The following DDX5 variants were observed in gnomAD, a reference collection of about 807,000 sequenced individuals.
The protein encoded by DDX5 is probable ATP-dependent RNA helicase DDX5.
A neutral mutation model predicts 68.6 loss-of-function variants in DDX5; 6 were observed. The ratio of observed to expected loss-of-function variants is 0.09; its 90% confidence interval spans 0.05 to 0.17. The LOEUF (loss-of-function observed/expected upper bound fraction) is 0.17, where lower values mean the gene tolerates loss of function less well. DDX5 is among the 10% of genes least tolerant of loss of function. The pLI is 1.00. For missense variants in DDX5, 499 were observed against 756.1 expected, an observed-to-expected ratio of 0.66 and a Z score of 3.99; for synonymous variants, 350 against 247.0, an observed-to-expected ratio of 1.42 and a Z score of -3.91.
chr17:64,500,462 T>TTTACTCACCC, intron 12 of DDX5, 87 bp downstream of exon 12: 2 of 1,519,090 alleles, frequency 1.3e-6, no homozygotes, highest in Non-Finnish European at 9.0e-7. Context: ...CATTCAAGGT[T>TTTACTCACCC]TTACTCACCC....
At position 64,499,854 on chromosome 17, in the gene DDX5, T is replaced by C. The variant is rs1212859581; in HGVS notation, c.*69A>G. 1.4e-6 allele frequency: 2 copies of C among 1,394,724 alleles called. No individual in the cohort carries two copies. Among genetic ancestry groups the C allele is most frequent in the Non-Finnish European group, 1.9e-6 (2 of 1,045,594 alleles). The allele number at this position is 1,394,724 out of a possible 1,614,324, so 86.4% of individuals were successfully genotyped here. ...AATTCCCATGTTTCTTAAATAACTATCTTGTCAGATAACACACAATATAAA... is the reference window on the plus strand; with the variant it reads ...AATTCCCATGTTTCTTAAATAACTACCTTGTCAGATAACACACAATATAAA... On this transcript the variant is annotated 3_prime_UTR_variant, in exon 13 of 13. Transcript: ENST00000225792.
rs782058967 is a variant in DDX5 at position 64,500,004 on chromosome 17, C to T, written c.1764G>A (p.Met588Ile). Reference sequence around the variant, plus strand: ...CAGGATATGCATATGCCTGTTGGTTCATACCATTGTGCATATTTGGAACAT... The same window carrying T: ...CAGGATATGCATATGCCTGTTGGTTTATACCATTGTGCATATTTGGAACAT... ...GSNVPNMHNGMNQQAYAYPAT... is the reference protein window; with the variant it reads ...GSNVPNMHNGINQQAYAYPAT... The change falls in exon 13 of 13, where the codon ATG (methionine) becomes ATA (isoleucine). Residue 588 changes from methionine to isoleucine, a missense_variant. This residue lies in a region of DDX5 where 171 missense variants were observed against 174.8 expected (regional missense o/e 0.98). Transcript: ENST00000225792. The T allele has an allele frequency of 6.2e-7, 1 of 1,614,174 alleles. No homozygotes were observed. The highest frequency in any genetic ancestry group is 1.7e-5 in the Admixed American group (1 of 60,022).
At chr17:64,505,386 CG>C (rs2038437286) in intron 1 of DDX5, 2 of 470,190 alleles carry the variant, frequency 4.3e-6, no homozygotes, top group African/African-American at 3.9e-5. Flanking sequence ...TCCGGATCAA[CG>C]AATCAAAATT....
At position 64,498,781 on chromosome 17, in the gene DDX5, G is replaced by A. The variant is rs369340026; in HGVS notation, c.*1142C>T. On this transcript the variant is annotated 3_prime_UTR_variant, in exon 13 of 13. Transcript: ENST00000225792. Reference sequence around the variant, plus strand: ...CTGAAATAAATGATTAGAAAGTTACGTTGGTGAGCCGAAGTTAAACCTAAA... The same window carrying A: ...CTGAAATAAATGATTAGAAAGTTACATTGGTGAGCCGAAGTTAAACCTAAA... Among the ~76,000 whole-genome samples the A allele has an allele frequency of 5.6e-4, 86 of 152,278 alleles. No individual in the cohort carries two copies. The highest frequency in any genetic ancestry group is 1.9e-3 in the African/African-American group (80 of 41,566).
chr17:64,505,664 A>T (rs2038462403), intron 1 of DDX5: 1 of 1,419,808 alleles, frequency 7.0e-7, no homozygotes, highest in Admixed American at 2.0e-5. Context: ...TCCTACCCCA[A>T]CAGCACCAGG....
Position 64,502,906 on chromosome 17 carries a change from A to G in DDX5, c.983+20T>C. The G allele has an allele frequency of 6.4e-7, 1 of 1,559,764 alleles. No homozygotes were observed. The highest frequency in any genetic ancestry group is 8.7e-7 in the Non-Finnish European group (1 of 1,153,596). On this transcript the variant is annotated intron_variant, in intron 8 of 12. Coordinates refer to ENST00000225792, the MANE Select transcript of DDX5 (RefSeq NM_004396.5). ...GCAAAGTTGTTAGGAAGCAAATATAACAGAGTTAATAAAACTTACTTTTCA... is the reference window on the plus strand; with the variant it reads ...GCAAAGTTGTTAGGAAGCAAATATAGCAGAGTTAATAAAACTTACTTTTCA...
At chr17:64,506,030 C>CCA in intron 1 of DDX5, 46 bp downstream of exon 1, 1 of 1,417,688 alleles carries the variant, frequency 7.1e-7, no homozygotes, top group Non-Finnish European at 9.5e-7. Flanking sequence ...ACCCGCCCTC[C>CCA]CATCCCCCCA....
chr17:64,505,490 G>T (rs2038447191), intron 1 of DDX5: 2 of 577,706 alleles, frequency 3.5e-6, no homozygotes, highest in Non-Finnish European at 6.2e-6. Flanking sequence ...GTTCCCGCTG[G>T]GGCGGCGCTT....
chr17:64,506,045 C>G, intron 1 of DDX5, 31 bp downstream of exon 1: 1 of 1,562,358 alleles, frequency 6.4e-7, no homozygotes, highest in African/African-American at 1.4e-5. Flanking sequence ...CCCCCACCCG[C>G]CAGGCCTGAC....
chr17:64,506,534 C>A, upstream of DDX5: 1 of 610,754 alleles, frequency 1.6e-6, no homozygotes, highest in Non-Finnish European at 2.5e-6. Flanking sequence ...TCTTTCCACA[C>A]CTCAAGCAAG....
At chr17:64,504,613 G>A in intron 2 of DDX5, 64 bp downstream of exon 2, 1 of 1,519,128 alleles carries the variant, frequency 6.6e-7, no homozygotes, top group Non-Finnish European at 8.8e-7. Context: ...ACACCTGTCA[G>A]AATTTCATTT....
At position 64,506,100 on chromosome 17, in the gene DDX5, T is replaced by C; in HGVS notation, c.20A>G (p.Asp7Gly). The change falls in exon 1 of 13, where the codon GAC becomes GGC. Residue 7 changes from aspartate to glycine, a missense_variant. By Grantham distance (94) the Asp-to-Gly change is moderately conservative (BLOSUM62 -1). Coordinates refer to ENST00000225792, the MANE Select transcript of DDX5 (RefSeq NM_004396.5). MSGYSSDRDRGRDRGFG... is the reference protein window; with the variant it reads MSGYSSGRDRGRDRGFG... ...CCCTCGGTCCCGGCCGCGGTCTCGGTCACTCGAATAACCCGACATGGCGTC... is the reference window on the plus strand; with the variant it reads ...CCCTCGGTCCCGGCCGCGGTCTCGGCCACTCGAATAACCCGACATGGCGTC... 6.9e-7 allele frequency: 1 copy of C among 1,456,286 alleles called. No individual in the cohort carries two copies. The allele number at this position is 1,456,286 out of a possible 1,614,324, so 90.2% of individuals were successfully genotyped here. A position where few individuals can be genotyped will look rare whatever the true frequency, so the allele number is the denominator to read the frequency against.
chr17:64,506,401 A>C, upstream of DDX5: 8 of 1,396,348 alleles, frequency 5.7e-6, no homozygotes, highest in South Asian at 1.5e-5. Flanking sequence ...CATAGGCCGC[A>C]ACGCCCGCTG....
In DDX5 at chr17:64,499,993, G is replaced by A. The variant is rs781846542; in HGVS notation, c.1775C>T (p.Ala592Val). The A allele has an allele frequency of 9.9e-6, 16 of 1,613,936 alleles. No homozygotes were observed. Among genetic ancestry groups the A allele is most frequent in the East Asian group, 2.2e-5 (1 of 44,896 alleles). The change falls in exon 13 of 13, where the codon GCA becomes GTA. Residue 592 changes from alanine (A) to valine (V), a missense_variant. By Grantham distance (64) the Ala-to-Val change is moderately conservative. Around this residue, in one of 5 missense-constraint regions of DDX5, gnomAD observed 171 missense variants for 174.8 expected, o/e 0.98. Transcript: ENST00000225792. Reference protein sequence around the residue: ...PNMHNGMNQQAYAYPATAAAP... With the variant: ...PNMHNGMNQQVYAYPATAAAP... The stretch of plus-strand genomic sequence containing the variant: ...AGCTGCAGTAGCAGGATATGCATAT[G>A]CCTGTTGGTTCATACCATTGTGCAT...
chr17:64,506,388 G>A (rs1443273614), upstream of DDX5: 5 of 1,405,414 alleles, frequency 3.6e-6, no homozygotes, highest in Non-Finnish European at 4.6e-6. Context: ...CCCGCCCCTC[G>A]CGCATAGGCC....
In DDX5 at chr17:64,506,071, C is replaced by T. The variant is rs544498645; in HGVS notation, c.44+5G>A. On this transcript the variant is annotated splice_donor_5th_base_variant and intron_variant, in intron 1 of 12. Coordinates refer to ENST00000225792, the MANE Select transcript of DDX5 (RefSeq NM_004396.5). ...CAGGCCTGACAGCTCGGCTCCCAAA[C>T]TCACCCTCGGTCCCGGCCGCGGTCT... 4.5e-6 allele frequency: 6 copies of T among 1,347,672 alleles called. No individual in the cohort carries two copies. The highest frequency in any genetic ancestry group is 4.6e-5 in the East Asian group (1 of 21,514). The allele number at this position is 1,347,672 out of a possible 1,614,324, so 83.5% of individuals were successfully genotyped here.
In DDX5 at chr17:64,501,970, C is replaced by A. The variant is rs1555671165; in HGVS notation, c.1216+40G>T. Reference sequence around the variant, plus strand: ...TTCTTTAAAAAAGTTAAATGGAGATCTTCTGGGAAACCAAGCCATGAATGC... The same window carrying A: ...TTCTTTAAAAAAGTTAAATGGAGATATTCTGGGAAACCAAGCCATGAATGC... On this transcript the variant is annotated intron_variant, in intron 11 of 12. Coordinates refer to ENST00000225792, the MANE Select transcript of DDX5 (RefSeq NM_004396.5). The A allele has an allele frequency of 2.5e-6, 4 of 1,594,922 alleles. No homozygotes were observed. The Admixed American group carries it at 6.9e-5, about 28-fold the overall frequency.
At chr17:64,500,959 C>G in intron 11 of DDX5, 186 bp from the exon 12 acceptor site, 1 of 601,554 alleles carries the variant, frequency 1.7e-6, no homozygotes, top group Non-Finnish European at 2.9e-6. Flanking sequence ...AAAAAAAGCA[C>G]ATGTCATCTG....
In DDX5 at chr17:64,503,153, A is replaced by G. The variant is rs1160934089; in HGVS notation, c.810+35T>C. ...TCAGACTCTTAAGAGTGAAAACACA[A>G]TTCAGTTTGATCACATATTTCAAAG... On this transcript the variant is annotated intron_variant, in intron 7 of 12. Coordinates refer to ENST00000225792, the MANE Select transcript of DDX5 (RefSeq NM_004396.5). 2.5e-6 allele frequency: 4 copies of G among 1,612,950 alleles called. No individual in the cohort carries two copies. In the African/African-American group the frequency reaches 4.0e-5, roughly 16 times the overall value.
Sources: gnomAD v4.1 joint callset for allele counts (sites outside exome capture counted in the v4.1 genomes callset) on GRCh38, gnomAD v4.1.1 for gene constraint, gnomAD v4.1.1 regional missense constraint, MANE v1.5 for transcripts, NCBI Gene and HGNC (gene_info 2026-07-23, HGNC 2026-07-21) for gene names.